The following MYLK variants were observed in gnomAD, a reference collection of about 807,000 sequenced individuals.
The protein encoded by MYLK is myosin light chain kinase.
Under a neutral mutation model 203.4 loss-of-function variants are expected in MYLK, and 106 were observed. That is an observed-to-expected ratio of 0.52 (90% confidence interval 0.45 to 0.61). The LOEUF (loss-of-function observed/expected upper bound fraction) is 0.61. Among genes scored for constraint, MYLK ranks in the 20% least tolerant of loss-of-function variants. The pLI is 0.00. For synonymous variants in MYLK, 867 were observed against 959.5 expected (o/e 0.90, Z 1.78); for missense variants, 2,072 against 2,442.3 (o/e 0.85, Z 3.20).
rs777977736 is a variant in MYLK, at chr3:123,708,695, C to A, written c.2140+3G>T. On this transcript the variant is annotated splice_donor_region_variant and intron_variant, in intron 15 of 33. Transcript: ENST00000360304. Reference sequence around the variant, plus strand: ...CCACTCGCTCTGAGTGGGTCAGCCTCACCTTGTACCGTGAGCACGGCCTGG... The same window carrying A: ...CCACTCGCTCTGAGTGGGTCAGCCTAACCTTGTACCGTGAGCACGGCCTGG... 2.5e-6 allele frequency: 4 copies of A among 1,613,940 alleles called. No individual in the cohort carries two copies. The African/African-American group carries it at 5.3e-5, about 22-fold the overall frequency.
chr3:123,709,640 G>A, intron 14 of MYLK, 116 bp downstream of exon 14: 1 of 1,354,992 alleles, frequency 7.4e-7, no homozygotes. Flanking sequence ...ATCACCTGAT[G>A]GTCCCATCTG....
At chr3:123,644,795 A>T (rs984008237) in intron 27 of MYLK, among the ~76,000 whole-genome samples, 13 of 152,220 alleles carry the variant, frequency 8.5e-5, no homozygotes, top group African/African-American at 3.1e-4. Context: ...GGGGAGGAAC[A>T]TTTGAATTTG....
In MYLK at chr3:123,733,703, GAC is replaced by G. The variant is rs1455178521; in HGVS notation, c.1291_1292del (p.Val431GlnfsTer5). 1 of 1,614,036 alleles carries G rather than the reference GAC, an allele frequency of 6.2e-7. No homozygotes were observed. Among genetic ancestry groups the G allele is most frequent in the Non-Finnish European group, 8.5e-7 (1 of 1,180,052 alleles). On this transcript the variant is annotated frameshift_variant, in exon 10 of 34. Coordinates refer to ENST00000360304, the MANE Select transcript of MYLK (RefSeq NM_053025.4). LOFTEE classifies it high-confidence loss of function. ...TCTACTCACCTTCACATCTGAACTT[GAC>G]AGTTTGATTTTCCTTGACCTCCTGG... is the stretch of plus-strand genomic sequence containing the variant. ...QSQEVKENQT[V>X]KFRCEVSGIP...
Position 123,752,212 on chromosome 3 carries a change from G to A in MYLK, c.373+119C>T, listed in dbSNP as rs1008923884. 4.8e-6 allele frequency: 5 copies of A among 1,050,252 alleles called. No homozygotes were observed. In the African/African-American group the frequency reaches 7.8e-5, roughly 16 times the overall value. The allele number at this position is 1,050,252 out of a possible 1,614,324, so 65.1% of individuals were successfully genotyped here. On this transcript the variant is annotated intron_variant, in intron 5 of 33. Coordinates refer to ENST00000360304, the MANE Select transcript of MYLK (RefSeq NM_053025.4). The stretch of plus-strand genomic sequence containing the variant: ...TTGGAAGGTCCGGGGTTCAAGGATG[G>A]GGTGTGTTTTCTCTTGTCAGTTCCT...
At position 123,649,174 on chromosome 3, in the gene MYLK, C is replaced by A. The variant is rs1252901556; in HGVS notation, c.4309G>T (p.Val1437Leu). The A allele has an allele frequency of 1.2e-6, 2 of 1,613,114 alleles. No homozygotes were observed. Among genetic ancestry groups the A allele is most frequent in the Admixed American group, 1.7e-5 (1 of 59,980 alleles). Reference protein sequence around the residue: ...KPEEPKDEVEVSDDDEKEPEV... With the variant: ...KPEEPKDEVELSDDDEKEPEV... ...GGGCTGCACTCACCATCATCTGACA[C>A]CTCCACTTCATCCTTCGGCTCTGGG... The change falls in exon 25 of 34, where the codon GTG (valine) becomes TTG (leucine). Residue 1437 changes from valine (V) to leucine (L), a missense_variant. Val to Leu is a conservative substitution (Grantham distance 32). This residue lies in a region of MYLK where 524 missense variants were observed against 782.4 expected (regional missense o/e 0.67). Coordinates refer to ENST00000360304, the MANE Select transcript of MYLK (RefSeq NM_053025.4).
At chr3:123,670,455 CTAAAT>C (rs1247109683) in intron 20 of MYLK, among the ~76,000 whole-genome samples, 1 of 151,940 alleles carries the variant, frequency 6.6e-6, no homozygotes, top group Non-Finnish European at 1.5e-5. Flanking sequence ...AGTGGGCACT[CTAAAT>C]TAAATAAAAT....
intron 2 of MYLK, among the ~76,000 whole-genome samples, chr3:123,835,302 A>G (rs1175929973): frequency 6.6e-6 from 1 of 152,188 alleles, no homozygotes; most frequent in Non-Finnish European, 1.5e-5. Flanking sequence ...AGAAAGCCTG[A>G]GGTTCAATAT....
intron 31 of MYLK, chr3:123,622,005 G>A (rs1319807772): frequency 6.6e-6 from 1 of 152,286 alleles, no homozygotes; most frequent in African/African-American, 2.4e-5. Context: ...GATGTTACTG[G>A]TTCAACCTGT....
At chr3:123,787,877 C>T (rs2064599833) in intron 4 of MYLK, among the ~76,000 whole-genome samples, 1 of 152,182 alleles carries the variant, frequency 6.6e-6, no homozygotes, top group Non-Finnish European at 1.5e-5. Flanking sequence ...TACCCTTTCT[C>T]CACAAAGTTG....
chr3:123,784,850 C>A (rs2064449337), intron 4 of MYLK, among the ~76,000 whole-genome samples: 1 of 152,162 alleles, frequency 6.6e-6, no homozygotes, highest in Non-Finnish European at 1.5e-5. Flanking sequence ...GCAAGCCCCA[C>A]ATGGGGAATG....
At chr3:123,664,764 A>C (rs1560039869) in intron 22 of MYLK, among the ~76,000 whole-genome samples, 1 of 152,314 alleles carries the variant, frequency 6.6e-6, no homozygotes, top group East Asian at 1.9e-4. Context: ...CTGACAATGG[A>C]ATATTTATTA....
intron 16 of MYLK, among the ~76,000 whole-genome samples, chr3:123,704,747 C>CAAAAAAAAAAAAAA: frequency 1.1e-5 from 1 of 87,728 alleles, no homozygotes; most frequent in Non-Finnish European, 2.3e-5. Flanking sequence ...ACTAAAAATA[C>CAAAAAAAAAAAAAA]AAAAAAAAAA....
chr3:123,798,982 G>T (rs971149896), intron 3 of MYLK, among the ~76,000 whole-genome samples: 1 of 152,194 alleles, frequency 6.6e-6, no homozygotes, highest in East Asian at 1.9e-4. Context: ...AACCAGAGAG[G>T]TTGGGTGATT....
intron 3 of MYLK, among the ~76,000 whole-genome samples, chr3:123,815,647 A>G (rs531651750): frequency 6.6e-6 from 1 of 152,090 alleles, no homozygotes; most frequent in East Asian, 1.9e-4. Context: ...TATCTATGAC[A>G]TGGGTCCACA....
chr3:123,733,779 T>C lies in MYLK; in HGVS notation c.1217A>G (p.Glu406Gly), dbSNP rs2062574458. ...GGGGAATGCTGAATCCCTCTGGCCC[T>C]CCATGGGGATTCTCCTGTTAGCAGC... ...SKAANRRIPM[E>G]GQRDSAFPKF... is the part of the protein sequence containing the mutation. The change falls in exon 10 of 34, where the codon GAG (glutamate) becomes GGG (glycine). Residue 406 changes from glutamate (E) to glycine (G), a missense_variant. Coordinates refer to ENST00000360304, the MANE Select transcript of MYLK (RefSeq NM_053025.4). 1 of 1,614,222 alleles carries C rather than the reference T, an allele frequency of 6.2e-7. No individual in the cohort carries two copies. Among genetic ancestry groups the C allele is most frequent in the Non-Finnish European group, 8.5e-7 (1 of 1,180,038 alleles).
intron 19 of MYLK, chr3:123,691,534 A>G (rs970704867): frequency 1.2e-4 from 18 of 152,254 alleles, no homozygotes; most frequent in African/African-American, 3.4e-4. Context: ...TTTATAAAAA[A>G]GACTTTCTTT....
chr3:123,784,108 C>T (rs936191992), intron 4 of MYLK, among the ~76,000 whole-genome samples: 1 of 152,198 alleles, frequency 6.6e-6, no homozygotes, highest in African/African-American at 2.4e-5. Context: ...TCACTGGCAA[C>T]AGGCACTTGT....
Position 123,618,725 on chromosome 3 carries a change from G to T in MYLK, c.5414C>A (p.Pro1805His), listed in dbSNP as rs1368328345. 2 of 1,614,138 alleles carry T rather than the reference G, an allele frequency of 1.2e-6. No homozygotes were observed. Among genetic ancestry groups the T allele is most frequent in the Admixed American group, 3.3e-5 (2 of 60,026 alleles). The change falls in exon 33 of 34, where the codon CCT becomes CAT. Residue 1805 changes from proline to histidine, a missense_variant. By Grantham distance (77) the Pro-to-His change is moderately conservative. Transcript: ENST00000360304. Reference sequence around the variant, plus strand: ...CTTAGAGAAATAGGGTTTTACATGAGGCTTTTCCTCAGCAACAGCCTCAAG... The same window carrying T: ...CTTAGAGAAATAGGGTTTTACATGATGCTTTTCCTCAGCAACAGCCTCAAG... ...AFLEAVAEEK[P>H]HVKPYFSKTI...
At chr3:123,709,374 C>T (rs1560111655) in intron 14 of MYLK, 1 of 298,970 alleles carries the variant, frequency 3.3e-6, no homozygotes, top group Non-Finnish European at 6.5e-6. Context: ...ATCTCCTGAC[C>T]TTGTGATCTG....
Sources: allele counts gnomAD v4.1 joint callset (sites outside exome capture counted in the v4.1 genomes callset), GRCh38; gene constraint gnomAD v4.1.1; regional missense constraint gnomAD v4.1.1; transcripts MANE v1.5; gene names NCBI Gene and HGNC (gene_info 2026-07-23, HGNC 2026-07-21).